The following SCML4 variants were observed in gnomAD, a reference collection of about 807,000 sequenced individuals.
SCML4 encodes sex comb on midleg-like protein 4.
SCML4 carries 34 observed loss-of-function variants against 41.1 expected under a neutral mutation model. The ratio of observed to expected loss-of-function variants is 0.83; its 90% CI spans 0.63 to 1.10. The LOEUF is 1.10. SCML4 is among the 50% of genes least tolerant of loss of function. The probability of loss-of-function intolerance (pLI) is 0.00; values close to 1 mark genes in which losing one functional copy is unlikely to be tolerated. For synonymous variants in SCML4, 214 were observed against 220.9 expected (o/e 0.97, Z 0.28); for missense variants, 522 against 534.1 (o/e 0.98, Z 0.22).
chr6:107,790,461 G>C (rs745882847), intron 1 of SCML4, among the ~76,000 whole-genome samples: 3 of 152,060 alleles, frequency 2.0e-5, no homozygotes, highest in Non-Finnish European at 4.4e-5. Context: ...TCTCTCCCTC[G>C]GGGGTTAGCC....
intron 1 of SCML4, among the ~76,000 whole-genome samples, chr6:107,822,829 C>T (rs982410770): frequency 3.3e-5 from 5 of 152,036 alleles, no homozygotes; most frequent in South Asian, 2.1e-4. Flanking sequence ...CACGCAGTAC[C>T]GATTTTCTAG....
At chr6:107,763,234 T>C (rs964196477) in intron 2 of SCML4, among the ~76,000 whole-genome samples, 1 of 152,144 alleles carries the variant, frequency 6.6e-6, no homozygotes, top group Admixed American at 6.5e-5. Context: ...CTTTCTGTTA[T>C]GGACTGAATG....
chr6:107,737,948 C>A (rs951225665), intron 5 of SCML4, among the ~76,000 whole-genome samples: 1 of 152,158 alleles, frequency 6.6e-6, no homozygotes, highest in African/African-American at 2.4e-5. Context: ...GAAATGCAGG[C>A]TTTCAGGCCC....
At position 107,823,219 on chromosome 6, in the gene SCML4, C is replaced by T. The variant is rs547524729; in HGVS notation, c.-60+907G>A. ...CTGATTGTCTAACCCTCATGAGTAC[C>T]GTCATGGAATCTAGAGACAACACGA... On this transcript the variant is annotated intron_variant, in intron 1 of 7. Transcript: ENST00000369020. Among the ~76,000 whole-genome samples, 67 of 152,270 alleles carry T rather than the reference C, an allele frequency of 4.4e-4. 1 individual carries two copies. The highest frequency in any genetic ancestry group is 1.5e-3 in the African/African-American group (61 of 41,558).
In SCML4 at chr6:107,702,274, C is replaced by T. The variant is rs1773248829; in HGVS notation, c.*2926G>A. The stretch of plus-strand genomic sequence containing the variant: ...AAGTTTAATGCAAAATGAGATAGCA[C>T]CTCCGCGAGAGAAGTTCCACGTGAA... On this transcript the variant is annotated 3_prime_UTR_variant, in exon 8 of 8. Transcript: ENST00000369020. 6.6e-6 allele frequency among the ~76,000 whole-genome samples: 1 copy of T among 152,198 alleles called. No homozygotes were observed. The highest frequency in any genetic ancestry group is 1.5e-5 in the Non-Finnish European group (1 of 68,040).
intron 2 of SCML4, among the ~76,000 whole-genome samples, chr6:107,763,812 CCT>C (rs1241272483): frequency 1.3e-5 from 2 of 152,214 alleles, no homozygotes; most frequent in East Asian, 3.9e-4. Context: ...TCCTGCTGCA[CCT>C]TGATCTTGGA....
At position 107,704,642 on chromosome 6, in the gene SCML4, A is replaced by G. The variant is rs1193917827; in HGVS notation, c.*558T>C. On this transcript the variant is annotated 3_prime_UTR_variant, in exon 8 of 8. Transcript: ENST00000369020. ...GTACTTCAGATTTTCTAGGAACAGAAAAGATTTTTTTTTTTTTCCTTTTTC... is the reference window on the plus strand; with the variant it reads ...GTACTTCAGATTTTCTAGGAACAGAGAAGATTTTTTTTTTTTTCCTTTTTC... The G allele has an allele frequency of 1.9e-5, 3 of 156,378 alleles. No individual in the cohort carries two copies. The highest frequency in any genetic ancestry group is 4.9e-5 in the African/African-American group (2 of 40,874). 9.7% of individuals were successfully genotyped at this position (156,378 alleles called of 1,614,324 possible). A position where few individuals can be genotyped will look rare whatever the true frequency, so the allele number is the denominator to read the frequency against.
At chr6:107,771,221 T>A (rs1021587915) in intron 2 of SCML4, among the ~76,000 whole-genome samples, 1 of 152,226 alleles carries the variant, frequency 6.6e-6, no homozygotes, top group Non-Finnish European at 1.5e-5. Context: ...TTACCAACTC[T>A]TCCAGAAGCT....
intron 1 of SCML4, among the ~76,000 whole-genome samples, chr6:107,783,948 G>A (rs143435995): frequency 1.3e-4 from 20 of 152,300 alleles, no homozygotes; most frequent in East Asian, 3.9e-4. Flanking sequence ...CCTGGTCCTC[G>A]TTTCTGTCCT....
Position 107,735,795 on chromosome 6 carries a change from T to C in SCML4, c.682+9154A>G, listed in dbSNP as rs573586283. Among the ~76,000 whole-genome samples, 30 of 28,490 alleles carry C rather than the reference T, an allele frequency of 1.1e-3. No homozygotes were observed. In the East Asian group the frequency reaches 0.029, roughly 27 times the overall value. 18.7% of individuals were successfully genotyped at this position (28,490 alleles called of 152,430 possible). Reference sequence around the variant, plus strand: ...GCCTAGATGATGGAGCAAGACCTTGTCTCAAAAAAAAAAAAAAAAATTATC... The same window carrying C: ...GCCTAGATGATGGAGCAAGACCTTGCCTCAAAAAAAAAAAAAAAAATTATC... On this transcript the variant is annotated intron_variant, in intron 5 of 7. Transcript: ENST00000369020.
At chr6:107,733,354 C>T (rs902778715) in intron 5 of SCML4, among the ~76,000 whole-genome samples, 4 of 152,208 alleles carry the variant, frequency 2.6e-5, no homozygotes, top group African/African-American at 4.8e-5. Context: ...AGATCTGGTA[C>T]AGAGTATCTG....
intron 1 of SCML4, among the ~76,000 whole-genome samples, chr6:107,803,527 C>T (rs1249706580): frequency 6.7e-6 from 1 of 149,794 alleles, no homozygotes; most frequent in Non-Finnish European, 1.5e-5. Flanking sequence ...CTCTGCCCGG[C>T]CACCACCCCG....
At chr6:107,839,368 G>GAAA in the SCML4 span, among the ~76,000 whole-genome samples, 1,862 of 52,528 alleles carry the variant, frequency 0.035, 43 homozygotes, top group Non-Finnish European at 0.037. Flanking sequence ...AAAGAAAGAA[G>GAAA]GAAAGAAAGA....
intron 5 of SCML4, among the ~76,000 whole-genome samples, chr6:107,734,357 A>G (rs1776849179): frequency 6.6e-6 from 1 of 152,228 alleles, no homozygotes. Flanking sequence ...ACGTGACTCA[A>G]TATTACTCTA....
intron 5 of SCML4, among the ~76,000 whole-genome samples, chr6:107,737,026 T>A (rs1777141114): frequency 6.6e-6 from 1 of 152,214 alleles, no homozygotes; most frequent in Non-Finnish European, 1.5e-5. Flanking sequence ...AACTCTCACA[T>A]TTGTGGTTTC....
intron 1 of SCML4, among the ~76,000 whole-genome samples, chr6:107,778,806 C>T (rs1781243681): frequency 6.6e-6 from 1 of 152,212 alleles, no homozygotes; most frequent in Admixed American, 6.5e-5. Flanking sequence ...CATTCATTTA[C>T]TAATTTGTCC....
intron 1 of SCML4, among the ~76,000 whole-genome samples, chr6:107,817,218 C>T (rs1184080710): frequency 1.3e-5 from 2 of 152,170 alleles, no homozygotes; most frequent in African/African-American, 2.4e-5. Flanking sequence ...CTCACACTAC[C>T]GTGGTCCCAA....
intron 5 of SCML4, among the ~76,000 whole-genome samples, chr6:107,728,211 T>C (rs1776184003): frequency 6.6e-6 from 1 of 152,262 alleles, no homozygotes; most frequent in South Asian, 2.1e-4. Flanking sequence ...GATAATTCAC[T>C]GACTGGCACT....
intron 1 of SCML4, among the ~76,000 whole-genome samples, chr6:107,804,406 CA>C (rs1260863031): frequency 6.6e-6 from 1 of 152,186 alleles, no homozygotes; most frequent in Non-Finnish European, 1.5e-5. Context: ...TCTCCATTCT[CA>C]ATTTTAATTT....
Sources: allele counts gnomAD v4.1 joint callset (sites outside exome capture counted in the v4.1 genomes callset), GRCh38; gene constraint gnomAD v4.1.1; transcripts MANE v1.5; gene names NCBI Gene and HGNC (gene_info 2026-07-23, HGNC 2026-07-21).